SHANK2: variants seen among roughly 807,000 people sequenced by gnomAD.
The protein encoded by SHANK2 is SH3 and multiple ankyrin repeat domains 2.
A neutral mutation model predicts 133.7 loss-of-function variants in SHANK2; 43 were observed. The observed-to-expected ratio is 0.32, with a 90% CI of 0.25 to 0.41. The LOEUF is 0.41. Among genes scored for constraint, SHANK2 ranks in the 10% least tolerant of loss-of-function variants. The pLI is 1.00. For missense variants in SHANK2, 1,994 were observed against 2,235.8 expected (o/e 0.89, Z 2.18); for synonymous variants, 1,017 against 952.8 (o/e 1.07, Z -1.24).
chr11:71,108,052 G>T (rs1342342954), intron 6 of SHANK2, among the ~76,000 whole-genome samples: 1 of 152,208 alleles, frequency 6.6e-6, no homozygotes. Context: ...TGAGAGCCAC[G>T]GCCAAAGGCT....
In SHANK2 at chr11:70,854,715, C is replaced by G. The variant is rs73534016; in HGVS notation, c.1175-34033G>C. Among the ~76,000 whole-genome samples, 405 of 152,306 alleles carry G rather than the reference C, an allele frequency of 2.7e-3. 1 individual carries two copies. The highest frequency in any genetic ancestry group is 9.6e-3 in the African/African-American group (397 of 41,562). On this transcript the variant is annotated intron_variant, in intron 11 of 25. Transcript: ENST00000601538. ...AAGCACATGAAGGCCAGTGAAATGT[C>G]CCTCTCTGTTCTCAATGGGGAGCCC...
intron 16 of SHANK2, among the ~76,000 whole-genome samples, chr11:70,660,897 C>T (rs1366007580): frequency 6.6e-6 from 1 of 152,254 alleles, no homozygotes; most frequent in Non-Finnish European, 1.5e-5. Context: ...CTGAGCCACA[C>T]ACACAGTGGG....
At chr11:70,750,790 C>T (rs150861504) in intron 14 of SHANK2, among the ~76,000 whole-genome samples, 4 of 152,232 alleles carry the variant, frequency 2.6e-5, no homozygotes, top group Admixed American at 6.5e-5. Context: ...TCTGTGCATA[C>T]GTGGGACAGA....
chr11:71,104,708 C>T (rs1951776138), intron 6 of SHANK2, among the ~76,000 whole-genome samples: 1 of 152,122 alleles, frequency 6.6e-6, no homozygotes, highest in South Asian at 2.1e-4. Context: ...TTTCTCTTTT[C>T]CCCCATCACC....
rs141419140 is a variant in SHANK2 at position 70,855,360 on chromosome 11, A to G, written c.1175-34678T>C. Reference sequence around the variant, plus strand: ...TTGGGTTCTGGGCAAATTGCCCATCAGTCTGGCCCAACTCAGTCACAGAAG... The same window carrying G: ...TTGGGTTCTGGGCAAATTGCCCATCGGTCTGGCCCAACTCAGTCACAGAAG... On this transcript the variant is annotated intron_variant, in intron 11 of 25. Coordinates refer to ENST00000601538, the MANE Select transcript of SHANK2 (RefSeq NM_012309.5). 5.0e-3 allele frequency among the ~76,000 whole-genome samples: 761 copies of G among 152,296 alleles called. 7 individuals carry two copies. Among genetic ancestry groups the G allele is most frequent in the African/African-American group, 0.017 (690 of 41,554 alleles).
chr11:70,523,482 C>G (rs2059355822), intron 17 of SHANK2, among the ~76,000 whole-genome samples: 1 of 152,154 alleles, frequency 6.6e-6, no homozygotes. Flanking sequence ...CATGAGAATG[C>G]CTGAGGACGG....
chr11:70,561,586 T>A lies in SHANK2; in HGVS notation c.2062-58655A>T, dbSNP rs186951780. 2.1e-3 allele frequency among the ~76,000 whole-genome samples: 314 copies of A among 152,080 alleles called. 1 individual carries two copies. Among genetic ancestry groups the A allele is most frequent in the Admixed American group, 3.1e-3 (48 of 15,262 alleles). ...CTCTGTTGCCCAGACTGGAGTGCCGTGGTGCAATCATAGCTCACTGTAGCT... is the reference window on the plus strand; with the variant it reads ...CTCTGTTGCCCAGACTGGAGTGCCGAGGTGCAATCATAGCTCACTGTAGCT... On this transcript the variant is annotated intron_variant, in intron 17 of 25. Coordinates refer to ENST00000601538, the MANE Select transcript of SHANK2 (RefSeq NM_012309.5).
intron 3 of SHANK2, among the ~76,000 whole-genome samples, chr11:71,135,860 C>A (rs561796357): frequency 6.6e-6 from 1 of 152,262 alleles, no homozygotes; most frequent in Admixed American, 6.5e-5. Context: ...AAGGCCTCAC[C>A]TAGAGAACTT....
chr11:70,566,402 G>C (rs2059968546), intron 17 of SHANK2: 1 of 152,170 alleles, frequency 6.6e-6, no homozygotes, highest in Admixed American at 6.5e-5. Context: ...ATGCTGTTAA[G>C]AGTTGACCCC....
rs1284227604 is a variant in SHANK2 at position 70,682,027 on chromosome 11, A to G, written c.1853+16661T>C. ...TGCGGCTTTTCCCTTTCAGAGAAAC[A>G]GGAGTTCGACAACCTGGAGAAGAGT... On this transcript the variant is annotated intron_variant, in intron 15 of 25. Coordinates refer to ENST00000601538, the MANE Select transcript of SHANK2 (RefSeq NM_012309.5). 2.0e-5 allele frequency among the ~76,000 whole-genome samples: 3 copies of G among 152,114 alleles called. No individual in the cohort carries two copies. The East Asian group carries it at 5.8e-4, about 29-fold the overall frequency.
chr11:71,243,080 T>C (rs965657153), intron 1 of SHANK2, among the ~76,000 whole-genome samples: 7 of 152,130 alleles, frequency 4.6e-5, no homozygotes, highest in Non-Finnish European at 5.9e-5. Flanking sequence ...TTAAAGGAAA[T>C]TCAGATCTGT....
chr11:70,593,515 C>T (rs12419192), intron 17 of SHANK2, among the ~76,000 whole-genome samples: 38,717 of 152,054 alleles, frequency 0.25, 5,240 homozygotes, highest in Admixed American at 0.38. Flanking sequence ...ATGGTGGCTA[C>T]CTCGCCTGCC....
At chr11:71,242,961 T>C (rs1005147123) in intron 1 of SHANK2, among the ~76,000 whole-genome samples, 3 of 152,190 alleles carry the variant, frequency 2.0e-5, no homozygotes, top group Admixed American at 6.5e-5. Flanking sequence ...GACATCTAAA[T>C]AGCCAATGGG....
intron 9 of SHANK2, among the ~76,000 whole-genome samples, chr11:71,056,903 A>G (rs1351341537): frequency 6.6e-6 from 1 of 152,242 alleles, no homozygotes; most frequent in Non-Finnish European, 1.5e-5. Flanking sequence ...GCTAGCATAC[A>G]TGTTCTAAAA....
intron 17 of SHANK2, among the ~76,000 whole-genome samples, chr11:70,544,756 C>T (rs548567402): frequency 6.6e-6 from 1 of 152,330 alleles, no homozygotes; most frequent in South Asian, 2.1e-4. Flanking sequence ...ACCGCAGTCT[C>T]ACTGCGACGA....
chr11:70,779,842 C>T (rs532443704), intron 14 of SHANK2, among the ~76,000 whole-genome samples: 2 of 152,336 alleles, frequency 1.3e-5, no homozygotes, highest in Non-Finnish European at 2.9e-5. Context: ...AAGCCATCTT[C>T]CCTACACCCC....
intron 3 of SHANK2, among the ~76,000 whole-genome samples, chr11:71,138,460 C>T (rs1952490625): frequency 6.6e-6 from 1 of 152,282 alleles, no homozygotes; most frequent in South Asian, 2.1e-4. Context: ...GTGAAACCTC[C>T]TTACTTTTGG....
chr11:71,184,334 T>C (rs756605516), intron 2 of SHANK2, among the ~76,000 whole-genome samples: 2 of 152,156 alleles, frequency 1.3e-5, no homozygotes, highest in Non-Finnish European at 2.9e-5. Flanking sequence ...TATTCCACAC[T>C]GAGGCCAGGC....
intron 14 of SHANK2, among the ~76,000 whole-genome samples, chr11:70,798,024 G>T (rs752842897): frequency 2.0e-5 from 3 of 152,146 alleles, no homozygotes; most frequent in Non-Finnish European, 4.4e-5. Flanking sequence ...GAACTCTTTC[G>T]AGCAGTTTTT....
Sources: allele counts gnomAD v4.1 joint callset (sites outside exome capture counted in the v4.1 genomes callset), GRCh38; gene constraint gnomAD v4.1.1; transcripts MANE v1.5; gene names NCBI Gene and HGNC (gene_info 2026-07-23, HGNC 2026-07-21).